Variants in SLC16A10 observed in about 807,000 individuals in gnomAD.
SLC16A10 encodes the protein monocarboxylate transporter 10.
In SLC16A10, 27 loss-of-function variants were observed where a neutral mutation model predicts 40.0. The ratio of observed to expected loss-of-function variants is 0.67; its 90% CI spans 0.50 to 0.93. The LOEUF is 0.93. Among genes scored for constraint, SLC16A10 ranks in the 40% least tolerant of loss-of-function variants. The pLI is 0.00. For missense variants in SLC16A10, 529 were observed against 658.2 expected, an observed-to-expected ratio of 0.80 and a Z score of 2.15; for synonymous variants, 213 against 249.8, an observed-to-expected ratio of 0.85 and a Z score of 1.39.
rs113950295 is a variant in SLC16A10 at position 111,145,583 on chromosome 6, C to T, written c.344-27112C>T. Reference sequence around the variant, plus strand: ...TACCTCACACCATATAAAAAAATAACTCAAAATGGATTAAAGACCTAAGTA... The same window carrying T: ...TACCTCACACCATATAAAAAAATAATTCAAAATGGATTAAAGACCTAAGTA... On this transcript the variant is annotated intron_variant, in intron 1 of 5. Transcript: ENST00000368851. Among the ~76,000 whole-genome samples, 388 of 152,062 alleles carry T rather than the reference C, an allele frequency of 2.6e-3. 2 individuals are homozygous for T. The highest frequency in any genetic ancestry group is 8.8e-3 in the African/African-American group (367 of 41,478).
At chr6:111,150,402 T>C (rs931289316) in intron 1 of SLC16A10, among the ~76,000 whole-genome samples, 1 of 152,218 alleles carries the variant, frequency 6.6e-6, no homozygotes, top group African/African-American at 2.4e-5. Context: ...CTGAGACACT[T>C]AATATATATG....
intron 1 of SLC16A10, among the ~76,000 whole-genome samples, chr6:111,172,215 G>T (rs1424652507): frequency 6.6e-6 from 1 of 152,188 alleles, no homozygotes; most frequent in African/African-American, 2.4e-5. Context: ...TATGACTCAT[G>T]TCTGTTTTTT....
At chr6:111,217,701 C>T (rs965300157) in intron 4 of SLC16A10, among the ~76,000 whole-genome samples, 11 of 152,110 alleles carry the variant, frequency 7.2e-5, no homozygotes, top group African/African-American at 2.4e-4. Flanking sequence ...CTGCCCACCT[C>T]GGCCTCCCAA....
At chr6:111,219,604 G>A (rs1272603128) in intron 5 of SLC16A10, among the ~76,000 whole-genome samples, 1 of 151,166 alleles carries the variant, frequency 6.6e-6, no homozygotes, top group Admixed American at 6.6e-5. Context: ...CTGAGGAGTA[G>A]TTGATGAAAA....
At chr6:111,102,706 G>T (rs1279342959) in intron 1 of SLC16A10, among the ~76,000 whole-genome samples, 5 of 152,124 alleles carry the variant, frequency 3.3e-5, no homozygotes, top group Non-Finnish European at 5.9e-5. Flanking sequence ...AAACCATGTA[G>T]AGACTTGGGC....
chr6:111,180,508 G>A (rs1299485775), intron 3 of SLC16A10, among the ~76,000 whole-genome samples: 3 of 152,058 alleles, frequency 2.0e-5, no homozygotes, highest in African/African-American at 7.2e-5. Context: ...ATGATGGTGC[G>A]ACTGCACTCC....
intron 1 of SLC16A10, among the ~76,000 whole-genome samples, chr6:111,098,605 C>A (rs1241453450): frequency 1.3e-5 from 2 of 152,070 alleles, no homozygotes; most frequent in African/African-American, 4.8e-5. Context: ...ATTGACTTTT[C>A]TGTGTAGATA....
chr6:111,150,648 CA>C (rs1314882852), intron 1 of SLC16A10, among the ~76,000 whole-genome samples: 4 of 152,152 alleles, frequency 2.6e-5, no homozygotes, highest in Non-Finnish European at 5.9e-5. Context: ...AATGACAGGC[CA>C]CTGACAAGAA....
intron 3 of SLC16A10, among the ~76,000 whole-genome samples, chr6:111,198,655 T>G (rs113806647): frequency 3.9e-5 from 6 of 152,324 alleles, no homozygotes; most frequent in African/African-American, 1.4e-4. Flanking sequence ...AAGTACAGGA[T>G]TATAATCTTA....
chr6:111,213,899 A>C lies in SLC16A10; in HGVS notation c.1087-4915A>C, dbSNP rs549778972. 4.6e-5 allele frequency among the ~76,000 whole-genome samples: 7 copies of C among 152,330 alleles called. No homozygotes were observed. In the East Asian group the frequency reaches 9.6e-4, roughly 21 times the overall value. ...CCTGGGTGCCTAGCCAGAGGTTCTGAAAGTCTGGAGACTTTATATGGGCTA... is the reference window on the plus strand; with the variant it reads ...CCTGGGTGCCTAGCCAGAGGTTCTGCAAGTCTGGAGACTTTATATGGGCTA... On this transcript the variant is annotated intron_variant, in intron 4 of 5. Transcript: ENST00000368851.
intron 3 of SLC16A10, among the ~76,000 whole-genome samples, chr6:111,188,972 C>T (rs1772946795): frequency 6.6e-6 from 1 of 152,124 alleles, no homozygotes; most frequent in African/African-American, 2.4e-5. Flanking sequence ...AATAGATTTC[C>T]AGTTTATTCT....
At chr6:111,150,156 G>C (rs2114514276) in intron 1 of SLC16A10, among the ~76,000 whole-genome samples, 1 of 152,324 alleles carries the variant, frequency 6.6e-6, no homozygotes, top group Admixed American at 6.5e-5. Context: ...TTCATGAATG[G>C]ATTAATGCCG....
chr6:111,181,835 A>G (rs1358021262), intron 3 of SLC16A10, among the ~76,000 whole-genome samples: 1 of 152,210 alleles, frequency 6.6e-6, no homozygotes, highest in Non-Finnish European at 1.5e-5. Context: ...AATCTTTTTT[A>G]GAAGGATACA....
intron 3 of SLC16A10, among the ~76,000 whole-genome samples, chr6:111,179,197 A>G (rs947548235): frequency 1.3e-5 from 2 of 152,158 alleles, no homozygotes; most frequent in Non-Finnish European, 2.9e-5. Context: ...CTTTGCTAAT[A>G]CTAGACATTT....
chr6:111,156,852 A>G (rs1772279572), intron 1 of SLC16A10, among the ~76,000 whole-genome samples: 1 of 152,252 alleles, frequency 6.6e-6, no homozygotes, highest in Admixed American at 6.5e-5. Flanking sequence ...TGTGAGGTAT[A>G]TGGGCACTCC....
chr6:111,210,375 A>G (rs567790150), intron 4 of SLC16A10, among the ~76,000 whole-genome samples: 3 of 152,298 alleles, frequency 2.0e-5, no homozygotes, highest in African/African-American at 7.2e-5. Context: ...TTAAAAATGT[A>G]TTTATTGTAT....
At chr6:111,184,166 G>C (rs1411493917) in intron 3 of SLC16A10, among the ~76,000 whole-genome samples, 1 of 152,136 alleles carries the variant, frequency 6.6e-6, no homozygotes, top group African/African-American at 2.4e-5. Context: ...CAGCTACTTA[G>C]TACCTGTGTT....
chr6:111,100,984 C>CTATA (rs1771171308), intron 1 of SLC16A10, among the ~76,000 whole-genome samples: 6 of 103,272 alleles, frequency 5.8e-5, no homozygotes, highest in Non-Finnish European at 9.6e-5. Flanking sequence ...CTCTCTCTCT[C>CTATA]TCTCTCTCTA....
intron 1 of SLC16A10, among the ~76,000 whole-genome samples, chr6:111,171,947 A>G (rs1209458244): frequency 6.6e-6 from 1 of 152,198 alleles, no homozygotes; most frequent in African/African-American, 2.4e-5. Context: ...CTAAGAAAAT[A>G]GAGTAGTATA....
Sources: allele counts gnomAD v4.1 joint callset (sites outside exome capture counted in the v4.1 genomes callset), GRCh38; gene constraint gnomAD v4.1.1; transcripts MANE v1.5; gene names NCBI Gene and HGNC (gene_info 2026-07-23, HGNC 2026-07-21).